The following ATG9A variants were observed in gnomAD, a reference collection of about 807,000 sequenced individuals.
ATG9A encodes the protein autophagy related 9A.
ATG9A carries 21 observed loss-of-function variants against 87.1 expected under a neutral mutation model. The observed-to-expected ratio is 0.24, with a 90% CI of 0.17 to 0.35. The LOEUF is 0.35. Among genes scored for constraint, ATG9A ranks in the 10% least tolerant of loss-of-function variants. ATG9A has a pLI of 1.00. For missense variants in ATG9A, 836 were observed against 1,107.3 expected (o/e 0.76, Z 3.48); for synonymous variants, 422 against 441.3 (o/e 0.96, Z 0.55).
chr2:219,222,453 A>G lies in ATG9A; in HGVS notation c.1849-3T>C, dbSNP rs918551643. ...ACATTTGCGATAAGGCTCAGGGGCT[A>G]TGAACGAAACGGGTAGGTAGAATTC... On this transcript the variant is annotated splice_polypyrimidine_tract_variant and splice_region_variant and intron_variant, in intron 11 of 15. Coordinates refer to ENST00000361242, the MANE Select transcript of ATG9A (RefSeq NM_001077198.3). The surrounding 1 kb of genome is among the most constrained non-coding windows in gnomAD (Gnocchi z 4.3). The G allele has an allele frequency of 1.1e-5, 17 of 1,555,150 alleles. No homozygotes were observed. The African/African-American group carries it at 1.8e-4, about 16-fold the overall frequency.
At position 219,222,310 on chromosome 2, in the gene ATG9A, C is replaced by T. The variant is rs1385936841; in HGVS notation, c.1989G>A (p.Ala663=). The part of the protein sequence containing the change: ...RSFSPLQPGQ[A]PTGRAHSTMT... ...TGGTGCTGTGAGCCCGGCCTGTGGG[C>T]GCCTGCCCGGGTTGCAGCGGGGAGA... Residue 663 remains alanine (A), a synonymous_variant, in exon 12 of 16, where the codon GCG becomes GCA. Transcript: ENST00000361242. The surrounding 1 kb of genome is among the most constrained non-coding windows in gnomAD (Gnocchi z 4.3). The T allele has an allele frequency of 2.5e-6, 4 of 1,613,270 alleles. No individual in the cohort carries two copies. Among genetic ancestry groups the T allele is most frequent in the Admixed American group, 3.3e-5 (2 of 60,004 alleles).
In ATG9A at chr2:219,229,001, G is replaced by A. The variant is rs1283452872; in HGVS notation, c.-81-516C>T. 6.6e-6 allele frequency: 1 copy of A among 152,260 alleles called. No individual in the cohort carries two copies. Among genetic ancestry groups the A allele is most frequent in the Non-Finnish European group, 1.5e-5 (1 of 68,108 alleles). The allele number at this position is 152,260 out of a possible 1,614,324, so 9.4% of individuals were successfully genotyped here. A position where few individuals can be genotyped will look rare whatever the true frequency, so the allele number is the denominator to read the frequency against. On this transcript the variant is annotated intron_variant, in intron 1 of 15. Transcript: ENST00000361242. The surrounding 1 kb of genome is among the most constrained non-coding windows in gnomAD (Gnocchi z 4.2). The stretch of plus-strand genomic sequence containing the variant: ...CCTGTAAGCCAGGCATGGTCGAGGT[G>A]GTACTCACCTGTCCGTGCAGCCCCT...
chr2:219,228,732 G>A (rs570659672), intron 1 of ATG9A: 20 of 152,354 alleles, frequency 1.3e-4, no homozygotes, highest in African/African-American at 4.8e-4. Context: ...AGTGGGTACA[G>A]ACCTGAGGCC....
At chr2:219,228,099 T>G (rs1406846594) in intron 2 of ATG9A, 46 bp from the exon 3 acceptor site, 8 of 1,357,370 alleles carry the variant, frequency 5.9e-6, no homozygotes, top group African/African-American at 1.5e-5. Context: ...TTCCAGCTGC[T>G]GCCCATGGGC....
rs777052182 is a variant in ATG9A at position 219,222,753 on chromosome 2, G to A, written c.1740C>T (p.Leu580=). 1.9e-6 allele frequency: 3 copies of A among 1,614,152 alleles called. No homozygotes were observed. Among genetic ancestry groups the A allele is most frequent in the African/African-American group, 2.7e-5 (2 of 75,060 alleles). Residue 580 remains leucine (L), a synonymous_variant, in exon 11 of 16, where the codon CTC becomes CTT. Transcript: ENST00000361242. The surrounding 1 kb of genome is among the most constrained non-coding windows in gnomAD (Gnocchi z 4.3). ...CTCCATCCCGCTGAACCTGCTCCTTGAGGAAGCCTAGGAAGGCTGTGCTCT... is the reference window on the plus strand; with the variant it reads ...CTCCATCCCGCTGAACCTGCTCCTTAAGGAAGCCTAGGAAGGCTGTGCTCT... ...PRESTAFLGF[L]KEQVQRDGAA...
At position 219,224,185 on chromosome 2, in the gene ATG9A, T is replaced by C. The variant is rs1294853088; in HGVS notation, c.1186A>G (p.Ile396Val). ...ACAGCCAACACATCTTCGTCATAAA[T>C]GGTGAGGGCAATAAGCACAGCCAGG... ...SILAVLIALT[I>V]YDEDVLAVEH... The change falls in exon 8 of 16, where the codon ATT becomes GTT. Residue 396 changes from isoleucine to valine, a missense_variant. Physicochemically the swap from Ile to Val is conservative, Grantham distance 29. Coordinates refer to ENST00000361242, the MANE Select transcript of ATG9A (RefSeq NM_001077198.3). The surrounding 1 kb of genome is among the most constrained non-coding windows in gnomAD (Gnocchi z 7.7). The C allele has an allele frequency of 5.0e-6, 8 of 1,613,436 alleles. No homozygotes were observed. The highest frequency in any genetic ancestry group is 6.8e-6 in the Non-Finnish European group (8 of 1,180,010).
In ATG9A at chr2:219,220,362, G is replaced by C; in HGVS notation, c.*85C>G. 6.5e-7 allele frequency: 1 copy of C among 1,535,036 alleles called. No individual in the cohort carries two copies. The highest frequency in any genetic ancestry group is 9.0e-7 in the Non-Finnish European group (1 of 1,112,886). ...CACACGTGGGGCCAGGGAACACTCA[G>C]AGGAGCCGTCCCATGGCAGGCAGAC... On this transcript the variant is annotated 3_prime_UTR_variant, in exon 16 of 16. Transcript: ENST00000361242.
chr2:219,227,942 T>G lies in ATG9A; in HGVS notation c.83A>C (p.His28Pro). Residue 28 changes from histidine to proline, a missense_variant, in exon 3 of 16, where the codon CAC becomes CCC. This residue lies in a region of ATG9A where 512 missense variants were observed against 759.6 expected (regional missense o/e 0.67). Transcript: ENST00000361242. ...CTCACACTTGCTCCCCTCGGCGACGTGCACCAACAGGTCCTCCTCCCCTGG... is the reference window on the plus strand; with the variant it reads ...CTCACACTTGCTCCCCTCGGCGACGGGCACCAACAGGTCCTCCTCCCCTGG... ...SPPGEEDLLV[H>P]VAEGSKSPWH... 6.2e-7 allele frequency: 1 copy of G among 1,614,182 alleles called. No homozygotes were observed. The highest frequency in any genetic ancestry group is 8.5e-7 in the Non-Finnish European group (1 of 1,180,020).
chr2:219,225,631 A>G, intron 5 of ATG9A, 59 bp from the exon 6 acceptor site: 1 of 1,568,454 alleles, frequency 6.4e-7, no homozygotes, highest in African/African-American at 1.4e-5. Flanking sequence ...AGTGAAACCC[A>G]GTGGGAAGAG....
intron 4 of ATG9A, among the ~76,000 whole-genome samples, 193 bp downstream of exon 4, chr2:219,227,576 AC>A (rs1950887808): frequency 6.6e-6 from 1 of 152,180 alleles, no homozygotes; most frequent in African/African-American, 2.4e-5. Flanking sequence ...CAAAGTGGAC[AC>A]AGGCACACAG....
At position 219,224,690 on chromosome 2, in the gene ATG9A, G is replaced by A. The variant is rs747861327; in HGVS notation, c.681C>T (p.Leu227=). The stretch of plus-strand genomic sequence containing the variant: ...CAGGCAGGCGGAAGCGCAGAGGCAG[G>A]AGGGATTTGTTAACCAGTGCCACCA... The part of the protein sequence containing the change: ...NYMVALVNKS[L]LPLRFRLPGL... Residue 227 remains leucine (L), a synonymous_variant, in exon 8 of 16, where the codon CTC becomes CTT. Transcript: ENST00000361242. The surrounding 1 kb of genome is among the most constrained non-coding windows in gnomAD (Gnocchi z 7.7). 6.2e-7 allele frequency: 1 copy of A among 1,614,118 alleles called. No homozygotes were observed. Among genetic ancestry groups the A allele is most frequent in the African/African-American group, 1.3e-5 (1 of 74,938 alleles).
At position 219,223,025 on chromosome 2, in the gene ATG9A, T is replaced by C. The variant is rs1171547898; in HGVS notation, c.1600-132A>G. On this transcript the variant is annotated intron_variant, in intron 10 of 15. Transcript: ENST00000361242. This position sits in a 1 kb window ranked among gnomAD's most constrained non-coding sequence, Gnocchi z 4.7. Reference sequence around the variant, plus strand: ...ATACTGTCAATCTTTCCCAGGGCACTGGTGCCCCCCCAGACCCAGGAGGGG... The same window carrying C: ...ATACTGTCAATCTTTCCCAGGGCACCGGTGCCCCCCCAGACCCAGGAGGGG... 3.3e-6 allele frequency: 4 copies of C among 1,212,630 alleles called. No individual in the cohort carries two copies. The Admixed American group carries it at 8.9e-5, about 27-fold the overall frequency. 75.1% of individuals were successfully genotyped at this position (1,212,630 alleles called of 1,614,324 possible).
intron 4 of ATG9A, 139 bp downstream of exon 4, chr2:219,227,631 C>G: frequency 1.0e-6 from 1 of 978,538 alleles, no homozygotes; most frequent in East Asian, 2.4e-5. Flanking sequence ...ATGATTTCAC[C>G]AGCCTCTTTC....
In ATG9A at chr2:219,221,179, G is replaced by A. The variant is rs770757454; in HGVS notation, c.2269C>T (p.Pro757Ser). The A allele has an allele frequency of 1.9e-5, 30 of 1,601,140 alleles. No individual in the cohort carries two copies. The highest frequency in any genetic ancestry group is 1.7e-4 in the Middle Eastern group (1 of 5,990). The change falls in exon 14 of 16, where the codon CCT (proline) becomes TCT (serine). Residue 757 changes from proline (P) to serine (S), a missense_variant. Physicochemically the swap from Pro to Ser is moderately conservative, Grantham distance 74 (BLOSUM62 -1). This residue lies in a region of ATG9A where 324 missense variants were observed against 347.6 expected (regional missense o/e 0.93). Coordinates refer to ENST00000361242, the MANE Select transcript of ATG9A (RefSeq NM_001077198.3). ...GEGARAPQSI[P>S]RSASYPCAAP... ...GCACAGGGATAGCTAGCAGAGCGAG[G>A]GATAGACTGGGGGGCCCGGGCGCCC... is the stretch of plus-strand genomic sequence containing the variant.
In ATG9A at chr2:219,227,813, G is replaced by A; in HGVS notation, c.104C>T (p.Ser35Leu). The change falls in exon 4 of 16, where the codon TCA becomes TTA. Residue 35 changes from serine to leucine, a missense_variant and splice_region_variant. By Grantham distance (145) the Ser-to-Leu change is moderately radical. This residue lies in a region of ATG9A where 512 missense variants were observed against 759.6 expected (regional missense o/e 0.67). Coordinates refer to ENST00000361242, the MANE Select transcript of ATG9A (RefSeq NM_001077198.3). ...AAGGTTTTCAATATGGTGCCAAGGT[G>A]CTGTGGGATAGGAACAGAGATGTCA... ...LLVHVAEGSK[S>L]PWHHIENLDL... is the part of the protein sequence containing the mutation. 6.2e-7 allele frequency: 1 copy of A among 1,614,116 alleles called. No individual in the cohort carries two copies. The highest frequency in any genetic ancestry group is 8.5e-7 in the Non-Finnish European group (1 of 1,179,978).
At chr2:219,220,560 G>A (rs1353648687) in intron 15 of ATG9A, 108 bp from the exon 16 acceptor site, 3 of 1,540,854 alleles carry the variant, frequency 1.9e-6, no homozygotes, top group Admixed American at 1.8e-5. Context: ...TGATTCCTGG[G>A]GAGGTAAGGT....
intron 13 of ATG9A, among the ~76,000 whole-genome samples, chr2:219,221,558 C>T (rs9989854): frequency 0.78 from 117,999 of 152,058 alleles, 48,434 homozygotes; most frequent in Non-Finnish European, 0.9. Flanking sequence ...AACTGACTGA[C>T]GGTCTAAGTG....
Position 219,225,441 on chromosome 2 carries a change from G to A in ATG9A, c.344C>T (p.Ala115Val). ...TEPVKVTLPD[A>V]FLPAQVCSAR... ...ACTACAGACTTGAGCAGGCAAAAAG[G>A]CGTCTGGCAGAGTGACCTTGACGGG... is the stretch of plus-strand genomic sequence containing the variant. The change falls in exon 6 of 16, where the codon GCC becomes GTC. Residue 115 changes from alanine (A) to valine (V), a missense_variant. Physicochemically the swap from Ala to Val is moderately conservative, Grantham distance 64 (BLOSUM62 0). Transcript: ENST00000361242. 1 of 1,614,230 alleles carries A rather than the reference G, an allele frequency of 6.2e-7. No individual in the cohort carries two copies. The highest frequency in any genetic ancestry group is 1.1e-5 in the South Asian group (1 of 91,086).
intron 5 of ATG9A, among the ~76,000 whole-genome samples, 197 bp downstream of exon 5, chr2:219,226,671 AG>A (rs1315256250): frequency 6.6e-6 from 1 of 152,142 alleles, no homozygotes; most frequent in East Asian, 1.9e-4. Context: ...CGACAGAGTG[AG>A]ACTCACTCCA....
Sources: gnomAD v4.1 joint callset for allele counts (sites outside exome capture counted in the v4.1 genomes callset) on GRCh38, gnomAD v4.1.1 for gene constraint, gnomAD v4.1.1 regional missense constraint, Gnocchi (gnomAD v3.1) non-coding constraint, MANE v1.5 for transcripts, NCBI Gene and HGNC (gene_info 2026-07-23, HGNC 2026-07-21) for gene names.